Variants in SEMA5A observed in about 807,000 individuals in gnomAD.
The protein encoded by SEMA5A is semaphorin-5A.
In SEMA5A, 55 loss-of-function variants were observed where a neutral mutation model predicts 135.5. The observed-to-expected ratio is 0.41, with a 90% confidence interval of 0.33 to 0.51. SEMA5A has a LOEUF of 0.51. Ranked by LOEUF, SEMA5A falls within the 20% of genes least tolerant of loss-of-function variation. SEMA5A has a pLI of 0.37. For missense variants in SEMA5A, 1,290 were observed against 1,419.9 expected, an observed-to-expected ratio of 0.91 and a Z score of 1.47; for synonymous variants, 580 against 546.5, an observed-to-expected ratio of 1.06 and a Z score of -0.85.
intron 21 of SEMA5A, among the ~76,000 whole-genome samples, chr5:9,045,619 G>A (rs192216424): frequency 3.9e-5 from 6 of 152,142 alleles, no homozygotes; most frequent in South Asian, 2.1e-4. Flanking sequence ...ACTATCCTGC[G>A]TACCACTTTT....
chr5:9,096,554 C>CTGTGTGTGTGTGTGTGTG (rs56202626), intron 16 of SEMA5A, among the ~76,000 whole-genome samples: 1 of 144,418 alleles, frequency 6.9e-6, no homozygotes, highest in Non-Finnish European at 1.5e-5. Context: ...TAATATTCCA[C>CTGTGTGTGTGTGTGTGTG]TGTGTGTGTG....
At chr5:9,444,568 A>G (rs1758357679) in intron 1 of SEMA5A, among the ~76,000 whole-genome samples, 1 of 152,228 alleles carries the variant, frequency 6.6e-6, no homozygotes, top group Admixed American at 6.5e-5. Context: ...GATATACCAC[A>G]GTTTCTTTAT....
chr5:9,274,830 C>G (rs973005485), intron 5 of SEMA5A, among the ~76,000 whole-genome samples: 2 of 152,116 alleles, frequency 1.3e-5, no homozygotes, highest in African/African-American at 4.8e-5. Context: ...ACATTTAAAG[C>G]AGTGGGTAGA....
chr5:9,311,985 G>A (rs1362549944), intron 5 of SEMA5A, among the ~76,000 whole-genome samples: 2 of 152,034 alleles, frequency 1.3e-5, no homozygotes, highest in African/African-American at 4.8e-5. Flanking sequence ...TATAAAAATG[G>A]ATTTGGAGCT....
rs531887372 is a variant in SEMA5A, at chr5:9,190,249, G to C, written c.1273+18C>G. The C allele has an allele frequency of 2.7e-5, 44 of 1,611,500 alleles. No homozygotes were observed. Among genetic ancestry groups the C allele is most frequent in the Admixed American group, 1.3e-4 (8 of 59,970 alleles). Reference sequence around the variant, plus strand: ...AGAAGATGGTAGAAAACCCCTCAGAGGGGGCCAGAGCTCCTACCTGTGGCC... The same window carrying C: ...AGAAGATGGTAGAAAACCCCTCAGACGGGGCCAGAGCTCCTACCTGTGGCC... On this transcript the variant is annotated intron_variant, in intron 11 of 22. Transcript: ENST00000382496.
At chr5:9,091,574 G>T (rs1270313248) in intron 16 of SEMA5A, among the ~76,000 whole-genome samples, 1 of 152,186 alleles carries the variant, frequency 6.6e-6, no homozygotes, top group Non-Finnish European at 1.5e-5. Context: ...AAATCACAAT[G>T]GGTCGGAATT....
Position 9,136,602 on chromosome 5 carries a change from C to A in SEMA5A, c.1501G>T (p.Asp501Tyr). 6.2e-7 allele frequency: 1 copy of A among 1,614,056 alleles called. No homozygotes were observed. Among genetic ancestry groups the A allele is most frequent in the South Asian group, 1.1e-5 (1 of 91,074 alleles). The change falls in exon 13 of 23, where the codon GAC becomes TAC. Residue 501 changes from aspartate (D) to tyrosine (Y), a missense_variant. Asp to Tyr is a radical substitution (Grantham distance 160, BLOSUM62 -3). Transcript: ENST00000382496. Reference sequence around the variant, plus strand: ...ACCACATCCCAGCCACAGTAAGGGTCCTGGGCCCCAATGCAGGTGCTGGAA... The same window carrying A: ...ACCACATCCCAGCCACAGTAAGGGTACTGGGCCCCAATGCAGGTGCTGGAA... ...RTRSTCIGAQ[D>Y]PYCGWDVVMK...
At chr5:9,296,076 CT>C (rs745816527) in intron 5 of SEMA5A, among the ~76,000 whole-genome samples, 58 of 152,158 alleles carry the variant, frequency 3.8e-4, no homozygotes, top group Non-Finnish European at 7.5e-4. Context: ...TGCATGATAA[CT>C]AAGGACTTAA....
rs561876085 is a variant in SEMA5A, at chr5:9,467,356, C to A, written c.-174-29504G>T. Among the ~76,000 whole-genome samples, 3 of 152,258 alleles carry A rather than the reference C, an allele frequency of 2.0e-5. No individual in the cohort carries two copies. In the East Asian group the frequency reaches 5.8e-4, roughly 29 times the overall value. On this transcript the variant is annotated intron_variant, in intron 1 of 22. Coordinates refer to ENST00000382496, the MANE Select transcript of SEMA5A (RefSeq NM_003966.3). ...CTTGAACTGTTGACCTCATGATCCA[C>A]CCGCCTCAGCCTCCCAAAGTGCTGG...
intron 11 of SEMA5A, among the ~76,000 whole-genome samples, chr5:9,169,608 A>G (rs1203158188): frequency 2.0e-5 from 3 of 152,092 alleles, no homozygotes; most frequent in African/African-American, 4.8e-5. Flanking sequence ...ATCATTTTCC[A>G]TCTGCTCTTG....
At chr5:9,522,048 C>G (rs1047119558) in intron 1 of SEMA5A, among the ~76,000 whole-genome samples, 1 of 152,150 alleles carries the variant, frequency 6.6e-6, no homozygotes, top group Non-Finnish European at 1.5e-5. Flanking sequence ...GCCTCCCCGT[C>G]GCATAGCCTT....
intron 12 of SEMA5A, among the ~76,000 whole-genome samples, chr5:9,143,696 T>C (rs570148073): frequency 6.6e-6 from 1 of 152,326 alleles, no homozygotes; most frequent in South Asian, 2.1e-4. Context: ...TCAAAAGTTC[T>C]TCCTGGATCT....
intron 11 of SEMA5A, among the ~76,000 whole-genome samples, chr5:9,184,919 G>A (rs941171628): frequency 3.3e-5 from 5 of 152,058 alleles, no homozygotes; most frequent in Non-Finnish European, 7.4e-5. Context: ...TGAAGGTCTT[G>A]AGCCTTCATA....
intron 12 of SEMA5A, among the ~76,000 whole-genome samples, chr5:9,146,860 A>C (rs1406970817): frequency 6.6e-6 from 1 of 152,200 alleles, no homozygotes; most frequent in Non-Finnish European, 1.5e-5. Flanking sequence ...AGCACAAACA[A>C]AAACTCAAGA....
chr5:9,048,436 C>G (rs2150036167), intron 21 of SEMA5A, among the ~76,000 whole-genome samples: 2 of 152,314 alleles, frequency 1.3e-5, no homozygotes, highest in Middle Eastern at 3.4e-3. Flanking sequence ...CTTCATCAGT[C>G]ATCTGGCATT....
intron 13 of SEMA5A, among the ~76,000 whole-genome samples, chr5:9,133,726 C>A (rs932314343): frequency 5.9e-5 from 9 of 151,864 alleles, no homozygotes; most frequent in African/African-American, 1.7e-4. Context: ...TAGGAAACAA[C>A]TTTAGTGACC....
At position 9,224,777 on chromosome 5, in the gene SEMA5A, A is replaced by G. The variant is rs777764772; in HGVS notation, c.543T>C (p.Ala181=). ...ALLTAGGELY[A]ATAMDFPGRD... ...GTCCTGGAAAATCCATGGCTGTAGC[A>G]GCATAGAGCTCCCCACCAGCTGTGA... is the stretch of plus-strand genomic sequence containing the variant. Residue 181 remains alanine, a synonymous_variant, in exon 8 of 23, where the codon GCT becomes GCC. Coordinates refer to ENST00000382496, the MANE Select transcript of SEMA5A (RefSeq NM_003966.3). 2 of 1,614,178 alleles carry G rather than the reference A, an allele frequency of 1.2e-6. No individual in the cohort carries two copies. The highest frequency in any genetic ancestry group is 1.7e-5 in the Admixed American group (1 of 60,028).
chr5:9,255,934 T>TACCCAC (rs1231086385), intron 5 of SEMA5A, among the ~76,000 whole-genome samples: 1 of 151,942 alleles, frequency 6.6e-6, no homozygotes, highest in African/African-American at 2.4e-5. Flanking sequence ...GCCCATACAC[T>TACCCAC]ACCCACTTAG....
intron 1 of SEMA5A, among the ~76,000 whole-genome samples, chr5:9,447,489 G>A (rs79256324): frequency 0.014 from 2,143 of 152,228 alleles, 21 homozygotes; most frequent in Non-Finnish European, 0.021. Flanking sequence ...GTCTTTCATC[G>A]TCCAAGATGG....
Sources: gnomAD v4.1 joint callset for allele counts (sites outside exome capture counted in the v4.1 genomes callset) on GRCh38, gnomAD v4.1.1 for gene constraint, MANE v1.5 for transcripts, NCBI Gene and HGNC (gene_info 2026-07-23, HGNC 2026-07-21) for gene names.